The following LAMA1 variants were observed in gnomAD, a reference collection of about 807,000 sequenced individuals.
LAMA1 encodes laminin subunit alpha-1.
LAMA1 carries 219 observed loss-of-function variants against 348.7 expected under a neutral mutation model. That is an observed-to-expected ratio of 0.63 (90% CI 0.56 to 0.70). The LOEUF is 0.70. LAMA1 is among the 30% of genes least tolerant of loss of function. LAMA1 has a pLI of 0.00. For missense variants in LAMA1, 3,744 were observed against 3,888.0 expected (o/e 0.96, Z 0.99); for synonymous variants, 1,487 against 1,491.0 (o/e 1.00, Z 0.06).
chr18:6,978,715 G>T (rs2057694826), intron 42 of LAMA1, among the ~76,000 whole-genome samples: 2 of 152,192 alleles, frequency 1.3e-5, no homozygotes, highest in African/African-American at 4.8e-5. Context: ...TGTGTGAGCT[G>T]TGTCTTACAT....
intron 33 of LAMA1, among the ~76,000 whole-genome samples, chr18:6,996,726 C>T (rs888745972): frequency 2.0e-5 from 3 of 152,004 alleles, no homozygotes; most frequent in Non-Finnish European, 4.4e-5. Flanking sequence ...CTGCAGTGGG[C>T]CATGACTGCG....
rs751380948 is a variant in LAMA1 at position 7,080,418 on chromosome 18, T to A, written c.101A>T (p.His34Leu). The A allele has an allele frequency of 8.7e-6, 14 of 1,614,114 alleles. No homozygotes were observed. Among genetic ancestry groups the A allele is most frequent in the South Asian group, 1.1e-5 (1 of 91,090 alleles). Residue 34 changes from histidine to leucine, a missense_variant, in exon 2 of 63, where the codon CAC becomes CTC. His to Leu is a moderately conservative substitution (Grantham distance 99, BLOSUM62 -3). Coordinates refer to ENST00000389658, the MANE Select transcript of LAMA1 (RefSeq NM_005559.4). ...PAILNLASNA[H>L]ISTNATCGEK... is the part of the protein sequence containing the mutation. ...GCCACAGGTGGCATTGGTGCTGATG[T>A]GAGCATTGCTGGCAAGATTGAGAAT...
At chr18:7,015,610 C>A in intron 22 of LAMA1, 112 bp downstream of exon 22, 363 of 1,047,840 alleles carry the variant, frequency 3.5e-4, no homozygotes, top group Non-Finnish European at 4.1e-4. Context: ...TTTTTAAATT[C>A]ACAAAGCTAT....
In LAMA1 at chr18:7,043,328, C is replaced by T. The variant is rs946094668; in HGVS notation, c.1054G>A (p.Ala352Thr). The T allele has an allele frequency of 2.5e-6, 4 of 1,614,006 alleles. No individual in the cohort carries two copies. The African/African-American group carries it at 5.3e-5, about 22-fold the overall frequency. ...VAKQKKSLNTAGQFRGGGVCI... is the reference protein window; with the variant it reads ...VAKQKKSLNTTGQFRGGGVCI... ...ACCCCTCCTCCTCTGAACTGTCCAG[C>T]AGTATTCAAACTTTTCTTCTGCTTT... is the stretch of plus-strand genomic sequence containing the variant. Residue 352 changes from alanine to threonine, a missense_variant, in exon 8 of 63, where the codon GCT (alanine) becomes ACT (threonine). Around this residue, in one of 3 missense-constraint regions of LAMA1, gnomAD observed 1,529 missense variants for 1,689.4 expected, o/e 0.91. Coordinates refer to ENST00000389658, the MANE Select transcript of LAMA1 (RefSeq NM_005559.4).
At chr18:7,068,133 G>A (rs562209637) in intron 3 of LAMA1, among the ~76,000 whole-genome samples, 91 of 152,276 alleles carry the variant, frequency 6.0e-4, no homozygotes, top group African/African-American at 2.1e-3. Context: ...GATTACAGGC[G>A]TGAGCCACCG....
In LAMA1 at chr18:7,084,868, A is replaced by C. The variant is rs2143790779; in HGVS notation, c.62-4411T>G. Among the ~76,000 whole-genome samples the C allele has an allele frequency of 1.3e-5, 2 of 152,356 alleles. 1 individual carries two copies. Among genetic ancestry groups the C allele is most frequent in the South Asian group, 4.1e-4 (2 of 4,826 alleles). On this transcript the variant is annotated intron_variant, in intron 1 of 62. Transcript: ENST00000389658. ...GGTTTTTGGATTTCTTCCCAGCAGA[A>C]TATATCTTCCCTGTCTTAAAACCAA...
chr18:6,986,970 G>A (rs527304720), intron 36 of LAMA1, among the ~76,000 whole-genome samples: 1 of 152,108 alleles, frequency 6.6e-6, no homozygotes, highest in East Asian at 1.9e-4. Context: ...TGTTGGCCAG[G>A]CTAGTCTCAA....
At chr18:7,042,513 T>A in intron 8 of LAMA1, 1 of 403,756 alleles carries the variant, frequency 2.5e-6, no homozygotes, top group Non-Finnish European at 4.7e-6. Context: ...CCCCTCGCGC[T>A]GCTGTCTCTC....
intron 1 of LAMA1, among the ~76,000 whole-genome samples, chr18:7,108,581 G>A (rs1353413461): frequency 1.1e-4 from 16 of 139,228 alleles, no homozygotes; most frequent in South Asian, 4.8e-4. Context: ...GCTTGAACCC[G>A]GAAGGCAGAG....
chr18:7,055,590 T>C (rs2058078496), intron 3 of LAMA1, among the ~76,000 whole-genome samples: 1 of 152,118 alleles, frequency 6.6e-6, no homozygotes, highest in South Asian at 2.1e-4. Flanking sequence ...TTGTTTTTCT[T>C]TTCCCTGATT....
At chr18:6,975,504 C>T (rs2057677851) in intron 45 of LAMA1, among the ~76,000 whole-genome samples, 2 of 152,236 alleles carry the variant, frequency 1.3e-5, no homozygotes, top group Admixed American at 6.5e-5. Flanking sequence ...TGCCCGTTAA[C>T]ATTTTCTGCC....
intron 57 of LAMA1, chr18:6,953,758 T>G (rs1187364711): frequency 6.6e-6 from 1 of 152,252 alleles, no homozygotes; most frequent in African/African-American, 2.4e-5. Context: ...TGTGTCAACC[T>G]CCAGCACAAT....
chr18:7,021,120 C>T (rs190411652), intron 19 of LAMA1, among the ~76,000 whole-genome samples: 8 of 152,232 alleles, frequency 5.3e-5, no homozygotes, highest in East Asian at 1.9e-4. Context: ...CGTCTTCCCA[C>T]GCTGGTCACT....
intron 3 of LAMA1, among the ~76,000 whole-genome samples, chr18:7,052,430 C>CA (rs1351925258): frequency 0.029 from 4,048 of 138,182 alleles, 146 homozygotes; most frequent in African/African-American, 0.092. Flanking sequence ...GACTCTGTAT[C>CA]AAAAAAAAAA....
At chr18:6,965,483 C>A (rs1332868872) in intron 49 of LAMA1, 51 bp from the exon 50 acceptor site, 2 of 1,604,276 alleles carry the variant, frequency 1.2e-6, no homozygotes, top group Non-Finnish European at 1.7e-6. Context: ...TCCCAGGTTT[C>A]CCTTTCCCTT....
chr18:6,990,677 T>G (rs919192975), intron 36 of LAMA1, among the ~76,000 whole-genome samples: 1 of 152,178 alleles, frequency 6.6e-6, no homozygotes, highest in Non-Finnish European at 1.5e-5. Context: ...GTTCCCTTGT[T>G]CAATGGCTCT....
chr18:6,979,542 G>T (rs1161328511), intron 42 of LAMA1, among the ~76,000 whole-genome samples: 1 of 152,104 alleles, frequency 6.6e-6, no homozygotes, highest in Non-Finnish European at 1.5e-5. Flanking sequence ...AACAACAAAA[G>T]AACAAAAGAG....
chr18:7,065,084 T>A (rs1384452545), intron 3 of LAMA1, among the ~76,000 whole-genome samples: 1 of 151,870 alleles, frequency 6.6e-6, no homozygotes, highest in East Asian at 2.0e-4. Context: ...ATACAAAAAA[T>A]TAGCCAGGCA....
At chr18:7,114,906 A>G (rs1310234151) in intron 1 of LAMA1, among the ~76,000 whole-genome samples, 1 of 152,228 alleles carries the variant, frequency 6.6e-6, no homozygotes, top group East Asian at 1.9e-4. Context: ...ACAAGACACT[A>G]AAGATCAGTA....
Sources: allele counts gnomAD v4.1 joint callset (sites outside exome capture counted in the v4.1 genomes callset), GRCh38; gene constraint gnomAD v4.1.1; regional missense constraint gnomAD v4.1.1; transcripts MANE v1.5; gene names NCBI Gene and HGNC (gene_info 2026-07-23, HGNC 2026-07-21).